Variants in SLIT3 observed in about 807,000 individuals in gnomAD.
SLIT3 encodes the protein slit guidance ligand 3, also known as slit homolog 3 protein.
Under a neutral mutation model 184.0 loss-of-function variants are expected in SLIT3, and 68 were observed. The observed-to-expected ratio is 0.37, with a 90% CI of 0.30 to 0.45. The LOEUF (loss-of-function observed/expected upper bound fraction) is 0.45. Among genes scored for constraint, SLIT3 ranks in the 20% least tolerant of loss-of-function variants. The probability of loss-of-function intolerance (pLI) is 1.00; values close to 1 mark genes in which losing one functional copy is unlikely to be tolerated. For synonymous variants in SLIT3, 831 were observed against 828.6 expected (o/e 1.00, Z -0.05); for missense variants, 1,707 against 2,026.0 (o/e 0.84, Z 3.02).
chr5:168,746,347 G>GGT (rs1763807444), intron 20 of SLIT3, among the ~76,000 whole-genome samples: 1 of 125,386 alleles, frequency 8.0e-6, no homozygotes, highest in East Asian at 2.5e-4. Context: ...GTGGTGGTGT[G>GGT]GGTGTGTGGT....
At chr5:169,250,387 A>G (rs967917917) in intron 2 of SLIT3, among the ~76,000 whole-genome samples, 1 of 152,240 alleles carries the variant, frequency 6.6e-6, no homozygotes, top group African/African-American at 2.4e-5. Context: ...TGTAACTATG[A>G]GAGTTGAAAA....
chr5:169,224,491 C>T (rs950271016), intron 3 of SLIT3, among the ~76,000 whole-genome samples: 23 of 151,780 alleles, frequency 1.5e-4, no homozygotes, highest in Admixed American at 5.3e-4. Flanking sequence ...CCTCAACTTT[C>T]CAAGTAGCTG....
At chr5:168,784,213 C>T (rs1480135084) in intron 12 of SLIT3, among the ~76,000 whole-genome samples, 2 of 152,202 alleles carry the variant, frequency 1.3e-5, no homozygotes, top group African/African-American at 2.4e-5. Flanking sequence ...GGATTAATAG[C>T]TACAGTTAAC....
At chr5:169,229,265 A>G (rs1764912025) in intron 3 of SLIT3, among the ~76,000 whole-genome samples, 1 of 152,224 alleles carries the variant, frequency 6.6e-6, no homozygotes, top group African/African-American at 2.4e-5. Context: ...GAATAAAACA[A>G]AACTAAAATC....
chr5:168,977,031 G>A (rs62377254), intron 4 of SLIT3, among the ~76,000 whole-genome samples: 3,370 of 152,152 alleles, frequency 0.022, 55 homozygotes, highest in Non-Finnish European at 0.034. Context: ...TTGGGGGAGG[G>A]GTTGGGGGAG....
In SLIT3 at chr5:168,710,781, C is replaced by T. The variant is rs559143621; in HGVS notation, c.2719+114G>A. The T allele has an allele frequency of 1.9e-5, 17 of 887,618 alleles. No homozygotes were observed. The African/African-American group carries it at 2.9e-4, about 15-fold the overall frequency. 55.0% of individuals were successfully genotyped at this position (887,618 alleles called of 1,614,324 possible). A position where few individuals can be genotyped will look rare whatever the true frequency, so the allele number is the denominator to read the frequency against. On this transcript the variant is annotated intron_variant, in intron 25 of 35. Coordinates refer to ENST00000519560, the MANE Select transcript of SLIT3 (RefSeq NM_003062.4). ...CTCTTTGTGGGACCCATGGAAGAGA[C>T]AGGGTGAAGGTTTCTGAAGCCACAT...
intron 4 of SLIT3, among the ~76,000 whole-genome samples, chr5:169,187,631 T>C (rs2113457407): frequency 6.7e-6 from 1 of 150,170 alleles, no homozygotes; most frequent in South Asian, 2.1e-4. Context: ...CTCGGCTAAC[T>C]GCCACCTCCA....
In SLIT3 at chr5:168,724,331, C is replaced by T. The variant is rs1418307226; in HGVS notation, c.2339+85G>A. On this transcript the variant is annotated intron_variant, in intron 21 of 35. Transcript: ENST00000519560. ...TTACCACTTGCATCAGCCTGCAGCTCTGTTCTCTCTTACCATCCACTTCAG... is the reference window on the plus strand; with the variant it reads ...TTACCACTTGCATCAGCCTGCAGCTTTGTTCTCTCTTACCATCCACTTCAG... 7 of 1,083,100 alleles carry T rather than the reference C, an allele frequency of 6.5e-6. No individual in the cohort carries two copies. In the African/African-American group the frequency reaches 1.1e-4, roughly 17 times the overall value. The allele number at this position is 1,083,100 out of a possible 1,614,324, so 67.1% of individuals were successfully genotyped here. A position where few individuals can be genotyped will look rare whatever the true frequency, so the allele number is the denominator to read the frequency against.
In SLIT3 at chr5:168,722,394, C is replaced by A. The variant is rs547486053; in HGVS notation, c.2412-67G>T. 3 of 1,381,854 alleles carry A rather than the reference C, an allele frequency of 2.2e-6. No individual in the cohort carries two copies. In the East Asian group the frequency reaches 6.9e-5, roughly 32 times the overall value. The allele number at this position is 1,381,854 out of a possible 1,614,324, so 85.6% of individuals were successfully genotyped here. On this transcript the variant is annotated intron_variant, in intron 22 of 35. Transcript: ENST00000519560. ...CTCTACCATGCATAGGTGCACTGTT[C>A]ACGTTGTGAAACAAAGCAAATGGTT...
chr5:168,835,976 C>A (rs1353659492), intron 6 of SLIT3, among the ~76,000 whole-genome samples: 1 of 152,146 alleles, frequency 6.6e-6, no homozygotes, highest in Non-Finnish European at 1.5e-5. Flanking sequence ...CTTTTTAATA[C>A]CTTCAAAGAT....
chr5:169,257,966 C>G (rs1766033348), intron 1 of SLIT3, among the ~76,000 whole-genome samples: 1 of 152,136 alleles, frequency 6.6e-6, no homozygotes, highest in African/African-American at 2.4e-5. Flanking sequence ...ATTTGCTGGA[C>G]CCATACTACG....
chr5:168,990,339 C>T (rs558537890), intron 4 of SLIT3, among the ~76,000 whole-genome samples: 107 of 152,270 alleles, frequency 7.0e-4, no homozygotes, highest in African/African-American at 2.5e-3. Context: ...GCTCTAAAAC[C>T]TTTACAGAAA....
intron 4 of SLIT3, among the ~76,000 whole-genome samples, chr5:169,062,529 T>C (rs777892039): frequency 9.2e-5 from 14 of 152,256 alleles, no homozygotes; most frequent in Non-Finnish European, 1.9e-4. Context: ...CCTCACTCAC[T>C]GTGCTCCAGG....
chr5:168,984,483 C>T (rs938887563), intron 4 of SLIT3, among the ~76,000 whole-genome samples: 5 of 152,176 alleles, frequency 3.3e-5, no homozygotes, highest in Admixed American at 6.5e-5. Context: ...TAACCATTAT[C>T]GCCTCTGATC....
chr5:169,006,073 A>G (rs1755914809), intron 4 of SLIT3, among the ~76,000 whole-genome samples: 1 of 152,176 alleles, frequency 6.6e-6, no homozygotes, highest in Admixed American at 6.5e-5. Flanking sequence ...CAGCCTTGCA[A>G]GGCCTCATAA....
intron 8 of SLIT3, among the ~76,000 whole-genome samples, chr5:168,806,834 C>T (rs1384224758): frequency 6.6e-6 from 1 of 152,186 alleles, no homozygotes; most frequent in Non-Finnish European, 1.5e-5. Context: ...CTGTCATCTC[C>T]ATCTTTTGGA....
intron 4 of SLIT3, among the ~76,000 whole-genome samples, chr5:169,166,587 T>C (rs1242845120): frequency 6.6e-6 from 1 of 152,084 alleles, no homozygotes; most frequent in Non-Finnish European, 1.5e-5. Context: ...AACAAAAGGG[T>C]GGGAGCTCGA....
At chr5:169,065,581 C>A (rs1333496297) in intron 4 of SLIT3, among the ~76,000 whole-genome samples, 1 of 152,194 alleles carries the variant, frequency 6.6e-6, no homozygotes, top group African/African-American at 2.4e-5. Context: ...CCTTTGTCTT[C>A]GTCACATCAG....
chr5:168,941,246 C>T (rs1207813222), intron 4 of SLIT3, among the ~76,000 whole-genome samples: 1 of 152,110 alleles, frequency 6.6e-6, no homozygotes, highest in Non-Finnish European at 1.5e-5. Flanking sequence ...TCTAATTGGT[C>T]TGTGGCTGAA....
Sources: allele counts gnomAD v4.1 joint callset (sites outside exome capture counted in the v4.1 genomes callset), GRCh38; gene constraint gnomAD v4.1.1; transcripts MANE v1.5; gene names NCBI Gene and HGNC (gene_info 2026-07-23, HGNC 2026-07-21).